The following SETDB1 variants were observed in gnomAD, a reference collection of about 807,000 sequenced individuals.
The protein encoded by SETDB1 is histone-lysine N-methyltransferase SETDB1.
SETDB1 carries 31 observed loss-of-function variants against 137.4 expected under a neutral mutation model. The ratio of observed to expected loss-of-function variants is 0.23; its 90% CI spans 0.17 to 0.30. SETDB1 has a LOEUF of 0.30. SETDB1 is among the 10% of genes least tolerant of loss of function. The pLI, the probability that SETDB1 is intolerant of heterozygous loss-of-function variation, is 1.00. For synonymous variants in SETDB1, 548 were observed against 579.9 expected (o/e 0.95, Z 0.79); for missense variants, 1,113 against 1,631.5 (o/e 0.68, Z 5.47).
chr1:150,949,689 A>G (rs2102715096), intron 12 of SETDB1, among the ~76,000 whole-genome samples, 164 bp downstream of exon 12: 1 of 152,320 alleles, frequency 6.6e-6, no homozygotes. Context: ...AGAAATAGAA[A>G]GTAAGAATAA....
At chr1:150,933,767 CTTTTTCTTTTTCTTT>C (rs1669850297) in intron 3 of SETDB1, among the ~76,000 whole-genome samples, 1 of 116,820 alleles carries the variant, frequency 8.6e-6, no homozygotes, top group Non-Finnish European at 1.8e-5. Context: ...TTTTCTTTTT[CTTTTTCTTTTTCTTT>C]TTTTTTTTTT....
chr1:150,946,678 C>T (rs1050394007), intron 9 of SETDB1, among the ~76,000 whole-genome samples: 11 of 152,244 alleles, frequency 7.2e-5, no homozygotes, highest in Middle Eastern at 3.4e-3. Flanking sequence ...GAACTCCCAA[C>T]CTCGGGTGAT....
In SETDB1 at chr1:150,961,128, G is replaced by C; in HGVS notation, c.3069G>C (p.Glu1023Asp). ...GRAGGSRMEA[E>D]KASTSGLGIK... ...CTGGGGGAAGCCGAATGGAGGCTGA[G>C]AAGGCCTCCACCTCAGGACTAGGCA... is the stretch of plus-strand genomic sequence containing the variant. The change falls in exon 16 of 22, where the codon GAG becomes GAC. Residue 1023 changes from glutamate to aspartate, a missense_variant. By Grantham distance (45) the Glu-to-Asp change is conservative. Coordinates refer to ENST00000692827, the MANE Select transcript of SETDB1 (RefSeq NM_001366418.1). The C allele has an allele frequency of 1.2e-6, 2 of 1,613,998 alleles. No individual in the cohort carries two copies. The highest frequency in any genetic ancestry group is 1.7e-6 in the Non-Finnish European group (2 of 1,179,904).
chr1:150,942,537 T>C, intron 5 of SETDB1, 26 bp from the exon 6 acceptor site: 1 of 1,597,114 alleles, frequency 6.3e-7, no homozygotes, highest in Admixed American at 1.7e-5. Flanking sequence ...TCATAACTCT[T>C]GAGAATAACT....
At chr1:150,963,363 AATT>A (rs777384803) in intron 19 of SETDB1, 164 bp from the exon 20 acceptor site, 3 of 761,266 alleles carry the variant, frequency 3.9e-6, no homozygotes. Context: ...TAGCAGATCT[AATT>A]ATGCTTGAAA....
Position 150,951,375 on chromosome 1 carries a change from G to A in SETDB1, c.2227G>A (p.Ala743Thr). 3.1e-6 allele frequency: 5 copies of A among 1,610,558 alleles called. No homozygotes were observed. Among genetic ancestry groups the A allele is most frequent in the Non-Finnish European group, 4.2e-6 (5 of 1,176,840 alleles). The change falls in exon 14 of 22, where the codon GCC becomes ACC. Residue 743 changes from alanine to threonine, a missense_variant. This residue lies in a region of SETDB1 where 81 missense variants were observed against 123.4 expected (regional missense o/e 0.66). Transcript: ENST00000692827. Reference sequence around the variant, plus strand: ...CCCTCTGTCATATAGGTCCAAGTGTGCCTGCCATCAACTAACTATCCAGGC... The same window carrying A: ...CCCTCTGTCATATAGGTCCAAGTGTACCTGCCATCAACTAACTATCCAGGC... Reference protein sequence around the residue: ...KDGCRDKSKCACHQLTIQATA... With the variant: ...KDGCRDKSKCTCHQLTIQATA...
intron 14 of SETDB1, among the ~76,000 whole-genome samples, chr1:150,952,819 G>A (rs751169299): frequency 1.3e-5 from 2 of 152,100 alleles, no homozygotes; most frequent in African/African-American, 2.4e-5. Context: ...TCTGGGAGGC[G>A]GAGGTTGTGG....
chr1:150,960,747 A>G lies in SETDB1; in HGVS notation c.2688A>G (p.Thr896=), dbSNP rs773467357. The G allele has an allele frequency of 9.9e-6, 16 of 1,611,646 alleles. No homozygotes were observed. Among genetic ancestry groups the G allele is most frequent in the African/African-American group, 1.3e-5 (1 of 74,884 alleles). ...LKDQEDGNSG[T]EDPEESNDDS... is the part of the protein sequence containing the mutation. ...ACCAGGAAGATGGCAACAGCGGTAC[A>G]GAGGACCCTGAAGAGTCCAATGATG... is the stretch of plus-strand genomic sequence containing the variant. Residue 896 remains threonine (T), a synonymous_variant, in exon 16 of 22, where the codon ACA becomes ACG. Transcript: ENST00000692827.
rs1407102781 is a variant in SETDB1 at position 150,961,023 on chromosome 1, C to T, written c.2964C>T (p.Cys988=). 4.5e-6 allele frequency: 7 copies of T among 1,559,212 alleles called. No individual in the cohort carries two copies. The highest frequency in any genetic ancestry group is 6.1e-6 in the Non-Finnish European group (7 of 1,146,318). Reference sequence around the variant, plus strand: ...ACAAGGTGGCCTCATGGTTGAGCTGCAATAGTGTCAGTGAAGGTGGTTTTG... The same window carrying T: ...ACAAGGTGGCCTCATGGTTGAGCTGTAATAGTGTCAGTGAAGGTGGTTTTG... ...PKNKVASWLS[C]NSVSEGGFAD... is the part of the protein sequence containing the mutation. Residue 988 remains cysteine (C), a synonymous_variant, in exon 16 of 22, where the codon TGC becomes TGT. Coordinates refer to ENST00000692827, the MANE Select transcript of SETDB1 (RefSeq NM_001366418.1).
chr1:150,949,076 G>A (rs587700464), intron 10 of SETDB1, 46 bp from the exon 11 acceptor site: 22 of 1,563,362 alleles, frequency 1.4e-5, no homozygotes, highest in South Asian at 1.2e-4. Context: ...GAATACAAGC[G>A]TCATAGCTAT....
chr1:150,962,007 C>T, intron 16 of SETDB1, 123 bp from the exon 17 acceptor site: 1 of 1,161,506 alleles, frequency 8.6e-7, no homozygotes. Flanking sequence ...GTTTACCCAC[C>T]CCACTTTAGA....
rs1013269474 is a variant in SETDB1 at position 150,926,416 on chromosome 1, C to T, written c.-113C>T. On this transcript the variant is annotated 5_prime_UTR_variant, in exon 1 of 22. Coordinates refer to ENST00000692827, the MANE Select transcript of SETDB1 (RefSeq NM_001366418.1). ...ACGCTTCCTCCCCTCCCCCTCCTCC[C>T]TTATCCCTTCGCTTTCGCTCTTTTC... The T allele has an allele frequency of 2.8e-5, 8 of 281,254 alleles. No individual in the cohort carries two copies. The highest frequency in any genetic ancestry group is 4.1e-5 in the Non-Finnish European group (6 of 145,064). 17.4% of individuals were successfully genotyped at this position (281,254 alleles called of 1,614,324 possible).
chr1:150,950,665 C>T lies in SETDB1; in HGVS notation c.1791C>T (p.Gly597=). 6.2e-7 allele frequency: 1 copy of T among 1,614,190 alleles called. No individual in the cohort carries two copies. Among genetic ancestry groups the T allele is most frequent in the Non-Finnish European group, 8.5e-7 (1 of 1,180,026 alleles). Residue 597 remains glycine, a synonymous_variant, in exon 13 of 22, where the codon GGC becomes GGT. Coordinates refer to ENST00000692827, the MANE Select transcript of SETDB1 (RefSeq NM_001366418.1). ...CTATGAGGAATGAGCAGTACCGGGG[C>T]AAGAACCCTCTGCTGGTCCCGTTAC... The part of the protein sequence containing the change: ...VRPMRNEQYR[G]KNPLLVPLLY...
intron 8 of SETDB1, among the ~76,000 whole-genome samples, chr1:150,944,366 C>T (rs959986367): frequency 6.6e-6 from 1 of 152,168 alleles, no homozygotes; most frequent in Non-Finnish European, 1.5e-5. Context: ...CTGCATAATG[C>T]TTTCCACAGA....
chr1:150,926,855 G>T (rs188174445), intron 1 of SETDB1: 30 of 532,994 alleles, frequency 5.6e-5, no homozygotes, highest in Middle Eastern at 6.4e-4. Context: ...TGTACTTTGG[G>T]GGAAACCTTT....
intron 3 of SETDB1, among the ~76,000 whole-genome samples, chr1:150,938,616 G>T (rs1670020033): frequency 1.3e-5 from 2 of 152,050 alleles, no homozygotes; most frequent in South Asian, 4.2e-4. Flanking sequence ...TGATTCTCCT[G>T]CCTCAGCCTC....
chr1:150,957,969 A>G (rs1361843855), intron 14 of SETDB1, among the ~76,000 whole-genome samples: 3 of 152,136 alleles, frequency 2.0e-5, no homozygotes, highest in Non-Finnish European at 1.5e-5. Flanking sequence ...GGCGGATCAC[A>G]TGAGGTCGGG....
chr1:150,951,303 A>T, intron 13 of SETDB1, 62 bp from the exon 14 acceptor site: 1 of 1,256,086 alleles, frequency 8.0e-7, no homozygotes, highest in Non-Finnish European at 1.2e-6. Context: ...GTACATGTGT[A>T]TTGTGTTATT....
At chr1:150,952,021 G>A (rs1670502964) in intron 14 of SETDB1, among the ~76,000 whole-genome samples, 1 of 151,954 alleles carries the variant, frequency 6.6e-6, no homozygotes, top group South Asian at 2.1e-4. Flanking sequence ...GGTGGCGGGT[G>A]CCTGCAGTCC....
Sources: allele counts gnomAD v4.1 joint callset (sites outside exome capture counted in the v4.1 genomes callset), GRCh38; gene constraint gnomAD v4.1.1; regional missense constraint gnomAD v4.1.1; transcripts MANE v1.5; gene names NCBI Gene and HGNC (gene_info 2026-07-23, HGNC 2026-07-21).